WNK2: variants seen among roughly 807,000 people sequenced by gnomAD.
The protein encoded by WNK2 is WNK lysine deficient protein kinase 2.
In WNK2, 67 loss-of-function variants were observed where a neutral mutation model predicts 192.1. The observed-to-expected ratio is 0.35, with a 90% CI of 0.29 to 0.43. WNK2 has a LOEUF of 0.43. Among genes scored for constraint, WNK2 ranks in the 20% least tolerant of loss-of-function variants. WNK2 has a pLI of 1.00. For synonymous variants in WNK2, 1,439 were observed against 1,393.9 expected (o/e 1.03, Z -0.72); for missense variants, 2,698 against 3,089.7 (o/e 0.87, Z 3.01).
rs755389757 is a variant in WNK2, at chr9:93,259,606, G to A, written c.3058G>A (p.Gly1020Arg). Residue 1020 changes from glycine to arginine, a missense_variant, in exon 12 of 30, where the codon GGG (glycine) becomes AGG (arginine). Transcript: ENST00000427277. The surrounding 1 kb of genome is among the most constrained non-coding windows in gnomAD (Gnocchi z 4.8). Reference sequence around the variant, plus strand: ...ACAAGCTGCTCCAGCTGCTACACCAGGGAGCCAGGTAATCACCTGCTGGGC... The same window carrying A: ...ACAAGCTGCTCCAGCTGCTACACCAAGGAGCCAGGTAATCACCTGCTGGGC... ...PEQAAPAATP[G>R]SQILLGHPAP... The A allele has an allele frequency of 6.3e-6, 10 of 1,582,442 alleles. No individual in the cohort carries two copies. Among genetic ancestry groups the A allele is most frequent in the Non-Finnish European group, 7.7e-6 (9 of 1,172,090 alleles).
chr9:93,313,367 A>T (rs1393159412), intron 28 of WNK2, among the ~76,000 whole-genome samples: 19 of 147,832 alleles, frequency 1.3e-4, no homozygotes, highest in African/African-American at 4.2e-4. Context: ...TTTCAGTTGA[A>T]TTTTTTTTTA....
intron 4 of WNK2, among the ~76,000 whole-genome samples, chr9:93,234,072 T>A (rs1255920943): frequency 6.6e-6 from 1 of 152,224 alleles, no homozygotes. Context: ...TGGTTTTGCA[T>A]AGGTGAGGCC....
At chr9:93,269,639 C>T (rs920568615) in intron 19 of WNK2, among the ~76,000 whole-genome samples, 1 of 152,172 alleles carries the variant, frequency 6.6e-6, no homozygotes, top group African/African-American at 2.4e-5. Context: ...TATATTACTT[C>T]TGGATTTTAA....
Position 93,297,970 on chromosome 9 carries a change from C to A in WNK2, c.5826C>A (p.Pro1942=), listed in dbSNP as rs56188490. The change falls in exon 24 of 30, where the codon CCC becomes CCA. Residue 1942 remains proline (P), a synonymous_variant. Coordinates refer to ENST00000427277, the MANE Select transcript of WNK2 (RefSeq NM_006648.4). ...TGGGCTTCTTCCACACGGCACCCCC[C>A]ACTGGCCGCCGGAGAAAAACCAGCA... ...PNVGFFHTAP[P]TGRRRKTSKS... is the part of the protein sequence containing the mutation. The A allele has an allele frequency of 1.9e-4, 302 of 1,570,736 alleles. No homozygotes were observed. Among genetic ancestry groups the A allele is most frequent in the South Asian group, 1.0e-3 (87 of 85,478 alleles).
chr9:93,271,697 G>T (rs1175159014), intron 19 of WNK2, among the ~76,000 whole-genome samples: 1 of 152,206 alleles, frequency 6.6e-6, no homozygotes, highest in East Asian at 1.9e-4. Flanking sequence ...GGGCTAACTT[G>T]TGTGTCATTA....
chr9:93,313,148 C>G (rs1053486225), intron 28 of WNK2, among the ~76,000 whole-genome samples: 3 of 152,174 alleles, frequency 2.0e-5, no homozygotes, highest in African/African-American at 7.2e-5. Flanking sequence ...GTTCTTCGAG[C>G]ACATTTAAGA....
chr9:93,258,751 G>A (rs1306446771), intron 11 of WNK2, among the ~76,000 whole-genome samples, 180 bp from the exon 12 acceptor site: 1 of 152,044 alleles, frequency 6.6e-6, no homozygotes, highest in Non-Finnish European at 1.5e-5. Flanking sequence ...GCACCTGTTG[G>A]GTTTATCTTT....
rs1468127928 is a variant in WNK2, at chr9:93,247,078, C to A, written c.1543-465C>A. Among the ~76,000 whole-genome samples, 1 of 152,238 alleles carries A rather than the reference C, an allele frequency of 6.6e-6. No individual in the cohort carries two copies. Among genetic ancestry groups the A allele is most frequent in the Admixed American group, 6.5e-5 (1 of 15,284 alleles). ...ACCTTACTGGTCCCTAATTACAAAA[C>A]GCATGTCCTTCCTCCATCTGCAACT... On this transcript the variant is annotated intron_variant, in intron 7 of 29. Coordinates refer to ENST00000427277, the MANE Select transcript of WNK2 (RefSeq NM_006648.4). This position sits in a 1 kb window ranked among gnomAD's most constrained non-coding sequence, Gnocchi z 5.2.
intron 7 of WNK2, among the ~76,000 whole-genome samples, chr9:93,243,465 C>G (rs1841128802): frequency 1.3e-5 from 2 of 152,222 alleles, no homozygotes; most frequent in African/African-American, 4.8e-5. Context: ...GCACCTTCAC[C>G]CCCGCTTCTG....
intron 5 of WNK2, among the ~76,000 whole-genome samples, chr9:93,236,433 C>G (rs1323323879): frequency 6.6e-6 from 1 of 152,332 alleles, no homozygotes; most frequent in Non-Finnish European, 1.5e-5. Context: ...GCTTTATGTT[C>G]TCTATATTAA....
rs995952644 is a variant in WNK2, at chr9:93,259,814, G to C, written c.3066+200G>C. Among the ~76,000 whole-genome samples the C allele has an allele frequency of 6.6e-6, 1 of 152,238 alleles. No homozygotes were observed. Among genetic ancestry groups the C allele is most frequent in the Non-Finnish European group, 1.5e-5 (1 of 68,048 alleles). On this transcript the variant is annotated intron_variant, in intron 12 of 29. Transcript: ENST00000427277. This position sits in a 1 kb window ranked among gnomAD's most constrained non-coding sequence, Gnocchi z 4.8. ...CTGCATCTCTTCCGTTTTCCGAATGGGTCAGGAGATGCAGGAGTCCGTGCC... is the reference window on the plus strand; with the variant it reads ...CTGCATCTCTTCCGTTTTCCGAATGCGTCAGGAGATGCAGGAGTCCGTGCC...
chr9:93,222,755 T>C (rs1837140031), intron 2 of WNK2, among the ~76,000 whole-genome samples: 2 of 151,830 alleles, frequency 1.3e-5, no homozygotes, highest in Non-Finnish European at 2.9e-5. Context: ...TGATCTCGGC[T>C]CACTACAACC....
chr9:93,285,184 CTCTT>C (rs1314628641), intron 19 of WNK2, among the ~76,000 whole-genome samples: 7 of 152,180 alleles, frequency 4.6e-5, no homozygotes, highest in East Asian at 1.9e-4. Context: ...TTTGCTAAAA[CTCTT>C]TCTATTTTGA....
chr9:93,234,442 G>T (rs925115340), intron 4 of WNK2, among the ~76,000 whole-genome samples: 3 of 152,204 alleles, frequency 2.0e-5, no homozygotes, highest in African/African-American at 7.2e-5. Context: ...CTGCGGCCGA[G>T]CCTGTGGCAG....
intron 9 of WNK2, among the ~76,000 whole-genome samples, chr9:93,253,803 A>G (rs1229117638): frequency 6.6e-6 from 1 of 152,198 alleles, no homozygotes; most frequent in Non-Finnish European, 1.5e-5. Flanking sequence ...TTTGATTTTT[A>G]AAAAACACTT....
intron 19 of WNK2, among the ~76,000 whole-genome samples, chr9:93,277,574 A>G (rs1268384161): frequency 1.3e-5 from 2 of 152,366 alleles, no homozygotes; most frequent in Non-Finnish European, 2.9e-5. Context: ...GCTGAGTGAA[A>G]GAAGCCAATC....
intron 29 of WNK2, chr9:93,319,019 A>G (rs991507357): frequency 1.3e-6 from 2 of 1,535,400 alleles, no homozygotes; most frequent in Non-Finnish European, 8.8e-7. Flanking sequence ...CTGCCAGGGC[A>G]CGATGCTGTC....
intron 2 of WNK2, among the ~76,000 whole-genome samples, chr9:93,224,337 T>C (rs1837442313): frequency 6.6e-6 from 1 of 152,192 alleles, no homozygotes; most frequent in South Asian, 2.1e-4. Flanking sequence ...GGGACTGTTC[T>C]GGCAGAGCAG....
intron 2 of WNK2, among the ~76,000 whole-genome samples, chr9:93,210,042 C>T (rs1211267085): frequency 6.6e-6 from 1 of 152,114 alleles, no homozygotes; most frequent in Non-Finnish European, 1.5e-5. Context: ...TTTGGGGCCC[C>T]ACTGTGAGGA....
Sources: allele counts gnomAD v4.1 joint callset (sites outside exome capture counted in the v4.1 genomes callset), GRCh38; gene constraint gnomAD v4.1.1; non-coding constraint Gnocchi (gnomAD v3.1); transcripts MANE v1.5; gene names NCBI Gene and HGNC (gene_info 2026-07-23, HGNC 2026-07-21).